The following VPS13D variants were observed in gnomAD, a reference collection of about 807,000 sequenced individuals.
VPS13D encodes the protein vacuolar protein sorting 13 homolog D.
A neutral mutation model predicts 461.9 loss-of-function variants in VPS13D; 187 were observed. That is an observed-to-expected ratio of 0.40 (90% CI 0.36 to 0.46). VPS13D has a LOEUF of 0.46. Ranked by LOEUF, VPS13D falls within the 20% of genes least tolerant of loss-of-function variation. The pLI, the probability that VPS13D is intolerant of heterozygous loss-of-function variation, is 0.60. For synonymous variants in VPS13D, 1,951 were observed against 1,986.3 expected (o/e 0.98, Z 0.47); for missense variants, 4,711 against 5,364.9 (o/e 0.88, Z 3.81).
At position 12,253,684 on chromosome 1, in the gene VPS13D, C is replaced by T. The variant is rs750351339; in HGVS notation, c.565-38C>T. 4.8e-6 allele frequency: 7 copies of T among 1,455,886 alleles called. No homozygotes were observed. In the South Asian group the frequency reaches 5.7e-5, roughly 12 times the overall value. The allele number at this position is 1,455,886 out of a possible 1,614,324, so 90.2% of individuals were successfully genotyped here. On this transcript the variant is annotated intron_variant, in intron 6 of 69. Coordinates refer to ENST00000620676, the MANE Select transcript of VPS13D (RefSeq NM_015378.4). ...AATGAATGACATTCACGAATAAAGA[C>T]AGTCATCCTATTTTCTTCTTTGTCT...
chr1:12,314,791 T>C (rs139796392), intron 30 of VPS13D, among the ~76,000 whole-genome samples: 69 of 152,344 alleles, frequency 4.5e-4, no homozygotes, highest in African/African-American at 1.5e-3. Flanking sequence ...TTTTTCTTTC[T>C]GGTATTATGG....
intron 50 of VPS13D, among the ~76,000 whole-genome samples, chr1:12,360,969 G>A (rs907817071): frequency 2.0e-5 from 3 of 152,118 alleles, no homozygotes; most frequent in Non-Finnish European, 2.9e-5. Context: ...TGTATATGTC[G>A]CATCACAATA....
intron 65 of VPS13D, chr1:12,453,799 G>A (rs1645293342): frequency 6.6e-6 from 1 of 152,192 alleles, no homozygotes; most frequent in African/African-American, 2.4e-5. Context: ...CCTGGGCTCA[G>A]AGGAAGTATT....
chr1:12,365,077 G>A (rs1644015263), intron 52 of VPS13D, among the ~76,000 whole-genome samples: 1 of 152,136 alleles, frequency 6.6e-6, no homozygotes, highest in Non-Finnish European at 1.5e-5. Context: ...CCCTACAGGT[G>A]GAAGTTTATT....
intron 1 of VPS13D, among the ~76,000 whole-genome samples, chr1:12,232,594 C>G (rs1308534577): frequency 3.4e-5 from 5 of 145,064 alleles, no homozygotes; most frequent in African/African-American, 1.0e-4. Flanking sequence ...ACTTTTGTGT[C>G]TCAGTTTCCC....
rs201219578 is a variant in VPS13D, at chr1:12,277,873, A to G, written c.4285A>G (p.Ile1429Val). The G allele has an allele frequency of 1.2e-6, 2 of 1,614,168 alleles. No individual in the cohort carries two copies. The highest frequency in any genetic ancestry group is 8.5e-7 in the Non-Finnish European group (1 of 1,180,010). Reference protein sequence around the residue: ...SDRLQVEIKDIKLYSLNCTQL... With the variant: ...SDRLQVEIKDVKLYSLNCTQL... The stretch of plus-strand genomic sequence containing the variant: ...CCGTCTGCAGGTGGAAATCAAGGAC[A>G]TTAAACTGTATTCTTTGAATTGCAC... Residue 1429 changes from isoleucine to valine, a missense_variant, in exon 19 of 70, where the codon ATT becomes GTT. By Grantham distance (29) the Ile-to-Val change is conservative. This residue lies in a region of VPS13D where 4,411 missense variants were observed against 4,937.8 expected (regional missense o/e 0.89). Transcript: ENST00000620676.
chr1:12,442,043 A>G (rs546171556), intron 65 of VPS13D, among the ~76,000 whole-genome samples: 1 of 152,198 alleles, frequency 6.6e-6, no homozygotes, highest in African/African-American at 2.4e-5. Flanking sequence ...AGCTTAAATA[A>G]TTGATATAAT....
At chr1:12,398,402 A>G (rs1644528199) in intron 60 of VPS13D, among the ~76,000 whole-genome samples, 4 of 149,640 alleles carry the variant, frequency 2.7e-5, no homozygotes, top group Admixed American at 2.0e-4. Context: ...TTCTGTTGCC[A>G]ACATAATTTA....
rs1641597670 is a variant in VPS13D at position 12,275,918 on chromosome 1, A to G, written c.2330A>G (p.Asn777Ser). The change falls in exon 19 of 70, where the codon AAC (asparagine) becomes AGC (serine). Residue 777 changes from asparagine (N) to serine (S), a missense_variant. Coordinates refer to ENST00000620676, the MANE Select transcript of VPS13D (RefSeq NM_015378.4). ...AAGACCCCCCTGGCCACACCTCCTA[A>G]CACCCCACCTCCCGAGTCAAGCAGC... ...EYKTPLATPP[N>S]TPPPESSSSN... The G allele has an allele frequency of 6.2e-7, 1 of 1,613,804 alleles. No individual in the cohort carries two copies. Among genetic ancestry groups the G allele is most frequent in the Admixed American group, 1.7e-5 (1 of 59,968 alleles).
Position 12,282,943 on chromosome 1 carries a change from C to T in VPS13D, c.4841C>T (p.Ser1614Phe). The change falls in exon 21 of 70, where the codon TCC becomes TTC. Residue 1614 changes from serine to phenylalanine, a missense_variant. Physicochemically the swap from Ser to Phe is radical, Grantham distance 155. Around this residue, in one of 3 missense-constraint regions of VPS13D, gnomAD observed 4,411 missense variants for 4,937.8 expected, o/e 0.89. Transcript: ENST00000620676. The stretch of plus-strand genomic sequence containing the variant: ...TCATTGTCAGTGAAGGAAGTCAAAT[C>T]CTTTACTCAGATTCAAGCCACCTTT... ...QKSLSVKEVK[S>F]FTQIQATFCI... is the part of the protein sequence containing the mutation. 6.2e-7 allele frequency: 1 copy of T among 1,614,126 alleles called. No homozygotes were observed. The highest frequency in any genetic ancestry group is 8.5e-7 in the Non-Finnish European group (1 of 1,180,014).
chr1:12,406,432 G>A (rs1342694305), intron 63 of VPS13D, among the ~76,000 whole-genome samples: 1 of 152,150 alleles, frequency 6.6e-6, no homozygotes, highest in Non-Finnish European at 1.5e-5. Context: ...GGTAAACCAC[G>A]TCTTTGGTAT....
intron 10 of VPS13D, 59 bp downstream of exon 10, chr1:12,258,162 A>G (rs1640979818): frequency 3.8e-6 from 6 of 1,584,946 alleles, no homozygotes; most frequent in African/African-American, 1.4e-5. Flanking sequence ...ATGTTCTCTC[A>G]AAGACTAAAG....
At chr1:12,381,640 A>G (rs770492463) in intron 57 of VPS13D, among the ~76,000 whole-genome samples, 2 of 152,238 alleles carry the variant, frequency 1.3e-5, no homozygotes, top group Non-Finnish European at 2.9e-5. Context: ...CAGCAGCCAT[A>G]CTTCCACCAC....
At chr1:12,506,609 C>T (rs142159777) in intron 68 of VPS13D, among the ~76,000 whole-genome samples, 2,940 of 152,348 alleles carry the variant, frequency 0.019, 115 homozygotes, top group Admixed American at 0.1. Flanking sequence ...TGAAAGGCAT[C>T]GTGTTTTCTG....
chr1:12,388,515 A>AT (rs1644378924), intron 60 of VPS13D, among the ~76,000 whole-genome samples: 1 of 151,894 alleles, frequency 6.6e-6, no homozygotes, highest in Non-Finnish European at 1.5e-5. Context: ...TGGAGGTTGC[A>AT]TTGAGCCAAG....
chr1:12,458,096 C>T (rs140990928), intron 66 of VPS13D, among the ~76,000 whole-genome samples: 2 of 152,266 alleles, frequency 1.3e-5, no homozygotes, highest in East Asian at 3.9e-4. Context: ...GTTGCAAAAT[C>T]ACCTCCCATC....
At chr1:12,466,084 G>A (rs1029261141) in intron 67 of VPS13D, among the ~76,000 whole-genome samples, 2 of 151,362 alleles carry the variant, frequency 1.3e-5, no homozygotes, top group African/African-American at 2.4e-5. Flanking sequence ...GCAGTGAGCC[G>A]AGATTGCGCC....
intron 23 of VPS13D, among the ~76,000 whole-genome samples, chr1:12,291,892 CATG>C (rs1642141549): frequency 6.6e-6 from 1 of 152,178 alleles, no homozygotes; most frequent in Admixed American, 6.5e-5. Flanking sequence ...TGTTTATAAA[CATG>C]ATCTATATTG....
Position 12,279,573 on chromosome 1 carries a change from A to T in VPS13D, c.4525A>T (p.Thr1509Ser). The change falls in exon 20 of 70, where the codon ACT becomes TCT. Residue 1509 changes from threonine (T) to serine (S), a missense_variant. Transcript: ENST00000620676. The surrounding 1 kb of genome is among the most constrained non-coding windows in gnomAD (Gnocchi z 4.3). ...KIPIERESEL[T>S]FSLSPDDLGT... ...CCCTATAGAGAGAGAATCTGAATTGACTTTTTCTCTTAGCCCAGATGACCT... is the reference window on the plus strand; with the variant it reads ...CCCTATAGAGAGAGAATCTGAATTGTCTTTTTCTCTTAGCCCAGATGACCT... The T allele has an allele frequency of 6.2e-7, 1 of 1,613,560 alleles. No individual in the cohort carries two copies. The highest frequency in any genetic ancestry group is 8.5e-7 in the Non-Finnish European group (1 of 1,179,624).
Sources: allele counts gnomAD v4.1 joint callset (sites outside exome capture counted in the v4.1 genomes callset), GRCh38; gene constraint gnomAD v4.1.1; regional missense constraint gnomAD v4.1.1; non-coding constraint Gnocchi (gnomAD v3.1); transcripts MANE v1.5; gene names NCBI Gene and HGNC (gene_info 2026-07-23, HGNC 2026-07-21).